SEMA4D: variants seen among roughly 807,000 people sequenced by gnomAD.
The protein encoded by SEMA4D is semaphorin-4D.
Under a neutral mutation model 74.8 loss-of-function variants are expected in SEMA4D, and 22 were observed. That is an observed-to-expected ratio of 0.29 (90% CI 0.21 to 0.42). SEMA4D has a LOEUF of 0.42. Ranked by LOEUF, SEMA4D falls within the 10% of genes least tolerant of loss-of-function variation. SEMA4D has a pLI of 1.00. For synonymous variants in SEMA4D, 445 were observed against 463.7 expected, an observed-to-expected ratio of 0.96 and a Z score of 0.52; for missense variants, 937 against 1,118.4, an observed-to-expected ratio of 0.84 and a Z score of 2.31.
rs147844760 is a variant in SEMA4D at position 89,438,108 on chromosome 9, CT to C, written c.-244+17779del. Among the ~76,000 whole-genome samples, 1,239 of 152,340 alleles carry C rather than the reference CT, an allele frequency of 8.1e-3. 47 individuals carry two copies. In the East Asian group the frequency reaches 0.1, roughly 12 times the overall value. On this transcript the variant is annotated intron_variant, in intron 2 of 15. Coordinates refer to ENST00000422704, the MANE Select transcript of SEMA4D (RefSeq NM_001371194.2). ...AGATGCTGTGGAGGGAGCAGCCTCC[CT>C]GGGGGCTGAGTGTGGAAGAGGGAAG...
rs879505389 is a variant in SEMA4D at position 89,381,443 on chromosome 9, T to C, written c.1447-97A>G. On this transcript the variant is annotated intron_variant, in intron 13 of 15. Coordinates refer to ENST00000422704, the MANE Select transcript of SEMA4D (RefSeq NM_001371194.2). The surrounding 1 kb of genome is among the most constrained non-coding windows in gnomAD (Gnocchi z 4.6). Reference sequence around the variant, plus strand: ...ACCAGTGTGTGGGAAGCAGCCAGAGTGTACCTTCAGGGGACATTGCAGTAA... The same window carrying C: ...ACCAGTGTGTGGGAAGCAGCCAGAGCGTACCTTCAGGGGACATTGCAGTAA... 3.5e-5 allele frequency: 43 copies of C among 1,233,380 alleles called. No homozygotes were observed. Among genetic ancestry groups the C allele is most frequent in the Non-Finnish European group, 4.4e-5 (40 of 906,664 alleles). 76.4% of individuals were successfully genotyped at this position (1,233,380 alleles called of 1,614,324 possible).
In SEMA4D at chr9:89,379,206, GTGA is replaced by G; in HGVS notation, c.2084_2086del (p.Ile695del). The G allele has an allele frequency of 6.2e-7, 1 of 1,614,116 alleles. No individual in the cohort carries two copies. Among genetic ancestry groups the G allele is most frequent in the Non-Finnish European group, 8.5e-7 (1 of 1,179,958 alleles). ...GGTGGGCGCAGGCTTGGGAGGAAGG[GTGA>G]TGGCCCCGGAGGAGGTGGCCTGCAC... On this transcript the variant is annotated inframe_deletion, in exon 16 of 16. Transcript: ENST00000422704.
At position 89,450,700 on chromosome 9, in the gene SEMA4D, T is replaced by C. The variant is rs1217442362; in HGVS notation, c.-244+5188A>G. 6.3e-6 allele frequency: 6 copies of C among 959,782 alleles called. 1 individual carries two copies. Among genetic ancestry groups the C allele is most frequent in the Non-Finnish European group, 1.5e-6 (1 of 649,302 alleles). 59.5% of individuals were successfully genotyped at this position (959,782 alleles called of 1,614,324 possible). The stretch of plus-strand genomic sequence containing the variant: ...AAAAAAAAAAAAAGGCCTCCAAGAC[T>C]GCAGAGAATGCCACCAGTGGGGAAA... On this transcript the variant is annotated intron_variant, in intron 2 of 15. Coordinates refer to ENST00000422704, the MANE Select transcript of SEMA4D (RefSeq NM_001371194.2).
At chr9:89,388,341 CAT>C (rs1370955453) in intron 11 of SEMA4D, among the ~76,000 whole-genome samples, 1 of 152,278 alleles carries the variant, frequency 6.6e-6, no homozygotes, top group East Asian at 1.9e-4. Flanking sequence ...GCCAAGGAAT[CAT>C]GTGTTTCTCT....
intron 6 of SEMA4D, among the ~76,000 whole-genome samples, chr9:89,394,016 T>C (rs1840390628): frequency 1.3e-5 from 2 of 152,214 alleles, no homozygotes; most frequent in South Asian, 4.1e-4. Context: ...CGGAAGCCCA[T>C]GAGCAGAATT....
At chr9:89,376,984 G>A, downstream of SEMA4D, 2 of 1,550,198 alleles carry the variant, frequency 1.3e-6, no homozygotes, top group Non-Finnish European at 1.7e-6. Flanking sequence ...AAAGCCTCCT[G>A]TCCCCCACAT....
At chr9:89,476,184 T>C (rs1464102456) in intron 1 of SEMA4D, among the ~76,000 whole-genome samples, 2 of 152,184 alleles carry the variant, frequency 1.3e-5, no homozygotes, top group East Asian at 3.9e-4. Context: ...TAACAAGCCC[T>C]GCCTGCTCTG....
At chr9:89,479,795 C>G (rs1355748483) in intron 1 of SEMA4D, 1 of 164,202 alleles carries the variant, frequency 6.1e-6, no homozygotes, top group Non-Finnish European at 1.3e-5. Context: ...GTGAGTGTTA[C>G]AGCTCATAAA....
chr9:89,366,666 GC>G (rs917139934), intron 16 of SEMA4D, among the ~76,000 whole-genome samples: 1 of 152,196 alleles, frequency 6.6e-6, no homozygotes, highest in African/African-American at 2.4e-5. Context: ...ACATCTAGGT[GC>G]CCATCAACTG....
chr9:89,402,836 G>C, intron 4 of SEMA4D, 35 bp downstream of exon 4: 1 of 1,598,076 alleles, frequency 6.3e-7, no homozygotes, highest in South Asian at 1.1e-5. Context: ...ACTCAAGCTG[G>C]GCTATGTGGA....
intron 4 of SEMA4D, 124 bp downstream of exon 4, chr9:89,402,747 C>T: frequency 1.9e-6 from 2 of 1,030,494 alleles, no homozygotes; most frequent in Non-Finnish European, 2.8e-6. Flanking sequence ...AAAGATGGGG[C>T]TGCATGGTCA....
rs1845741704 is a variant in SEMA4D at position 89,416,494 on chromosome 9, G to C, written c.-243-10795C>G. On this transcript the variant is annotated intron_variant, in intron 2 of 15. Transcript: ENST00000422704. Reference sequence around the variant, plus strand: ...GGCGCGACCCACCTGTGTCAACAGAGGATGCGTCAGTCTACACACAACACA... The same window carrying C: ...GGCGCGACCCACCTGTGTCAACAGACGATGCGTCAGTCTACACACAACACA... 2.6e-5 allele frequency among the ~76,000 whole-genome samples: 4 copies of C among 152,150 alleles called. No homozygotes were observed. In the South Asian group the frequency reaches 8.3e-4, roughly 32 times the overall value.
At chr9:89,438,964 CTTTTTTTTTTTTTTTTT>C (rs57394947) in intron 2 of SEMA4D, among the ~76,000 whole-genome samples, 7,117 of 38,450 alleles carry the variant, frequency 0.19, 517 homozygotes, top group Non-Finnish European at 0.25. Context: ...CGCACCGGGC[CTTTTTTTTTTTTTTTTT>C]TTTTTTTTTT....
chr9:89,391,547 C>T, intron 8 of SEMA4D, 132 bp from the exon 9 acceptor site: 1 of 809,334 alleles, frequency 1.2e-6, no homozygotes, highest in Non-Finnish European at 2.0e-6. Context: ...GGAGTGTGCA[C>T]ATGCCACAAT....
intron 4 of SEMA4D, among the ~76,000 whole-genome samples, chr9:89,402,212 G>A (rs533944782): frequency 6.6e-6 from 1 of 152,294 alleles, no homozygotes; most frequent in East Asian, 1.9e-4. Context: ...TAAAGACACC[G>A]AGGAATCAGG....
downstream of SEMA4D, among the ~76,000 whole-genome samples, chr9:89,375,378 A>G (rs1157984913): frequency 6.6e-6 from 1 of 152,094 alleles, no homozygotes; most frequent in Non-Finnish European, 1.5e-5. Context: ...GGAACCACAC[A>G]AGCCAGCCTA....
At chr9:89,456,747 C>A (rs1036666249) in intron 1 of SEMA4D, among the ~76,000 whole-genome samples, 1 of 152,192 alleles carries the variant, frequency 6.6e-6, no homozygotes, top group Non-Finnish European at 1.5e-5. Context: ...CCACCACACC[C>A]GGCTGATTTT....
chr9:89,454,848 T>C (rs1422717087), intron 2 of SEMA4D, among the ~76,000 whole-genome samples: 1 of 152,174 alleles, frequency 6.6e-6, no homozygotes, highest in African/African-American at 2.4e-5. Flanking sequence ...GCTGACCCAG[T>C]GGGGCCCTGG....
intron 3 of SEMA4D, 100 bp from the exon 4 acceptor site, chr9:89,403,116 GA>G: frequency 7.3e-7 from 1 of 1,370,186 alleles, no homozygotes; most frequent in Non-Finnish European, 1.0e-6. Flanking sequence ...CAGTGACAAT[GA>G]GCACGTCTGG....
Sources: allele counts gnomAD v4.1 joint callset (sites outside exome capture counted in the v4.1 genomes callset), GRCh38; gene constraint gnomAD v4.1.1; non-coding constraint Gnocchi (gnomAD v3.1); transcripts MANE v1.5; gene names NCBI Gene and HGNC (gene_info 2026-07-23, HGNC 2026-07-21).